The following SPRY3 variants were observed in gnomAD, a reference collection of about 807,000 sequenced individuals.
SPRY3 encodes the protein sprouty RTK signaling antagonist 3, also known as protein sprouty homolog 3.
A neutral mutation model predicts 20.2 loss-of-function variants in SPRY3; 15 were observed. The observed-to-expected ratio is 0.74, with a 90% CI of 0.50 to 1.14. The LOEUF is 1.14. SPRY3 is among the 50% of genes most tolerant of loss of function. The pLI is 0.00. For missense variants in SPRY3, 364 were observed against 363.9 expected (o/e 1.00, Z 0.00); for synonymous variants, 143 against 136.5 (o/e 1.05, Z -0.33).
At chrX:155,638,611 C>T (rs1348548607) in intron 1 of SPRY3, among the ~76,000 whole-genome samples, 1 of 109,035 alleles carries the variant, frequency 9.2e-6, no homozygotes, top group Non-Finnish European at 1.9e-5. Flanking sequence ...TGGCCATGTG[C>T]ATTTCTACAT....
At chrX:155,685,118 T>C (rs1300245666) in intron 2 of SPRY3, among the ~76,000 whole-genome samples, 1 of 112,265 alleles carries the variant, frequency 8.9e-6, no homozygotes, top group African/African-American at 3.2e-5. Flanking sequence ...ATTGTAAATC[T>C]ATAGATTTGT....
At chrX:155,773,307 G>GAGAT (rs1556238553) in intron 3 of SPRY3, among the ~76,000 whole-genome samples, 5 of 120,740 alleles carry the variant, frequency 4.1e-5, no homozygotes, top group Non-Finnish European at 5.1e-5. Flanking sequence ...ATTTTGATTG[G>GAGAT]ATATATATAT....
intron 2 of SPRY3, among the ~76,000 whole-genome samples, chrX:155,758,322 CT>C (rs2091291258): frequency 6.6e-6 from 1 of 152,182 alleles, no homozygotes. Flanking sequence ...TGAAGAATGA[CT>C]TGCTAAAGCC....
intron 2 of SPRY3, among the ~76,000 whole-genome samples, chrX:155,755,742 T>C (rs1221944637): frequency 1.3e-5 from 2 of 152,128 alleles, no homozygotes; most frequent in Non-Finnish European, 2.9e-5. Context: ...TTTTTAGCCT[T>C]TGGGCATCTG....
At chrX:155,686,300 T>C (rs2068087867) in intron 2 of SPRY3, among the ~76,000 whole-genome samples, 1 of 111,854 alleles carries the variant, frequency 8.9e-6, no homozygotes, top group African/African-American at 3.2e-5. Flanking sequence ...TTCATGCTTC[T>C]TTGTACGCCA....
At chrX:155,679,162 G>A (rs948560213) in intron 2 of SPRY3, among the ~76,000 whole-genome samples, 1 of 111,287 alleles carries the variant, frequency 9.0e-6, no homozygotes, top group African/African-American at 3.3e-5. Flanking sequence ...AAACCTGCGT[G>A]TTCTGCACAT....
At position 155,734,110 on chromosome X, in the gene SPRY3, T is replaced by G. The variant is rs779924176; in HGVS notation, c.-281-33852T>G. On this transcript the variant is annotated intron_variant, in intron 2 of 3. Coordinates refer to ENST00000675360, the Ensembl canonical transcript of SPRY3. Reference sequence around the variant, plus strand: ...TTGTTCAGGAACTTTTTCTTTGCATTCACAACTTGGCCGGTTGGCACAAAA... The same window carrying G: ...TTGTTCAGGAACTTTTTCTTTGCATGCACAACTTGGCCGGTTGGCACAAAA... Among the ~76,000 whole-genome samples the G allele has an allele frequency of 2.6e-5, 4 of 152,232 alleles. No homozygotes were observed. In the South Asian group the frequency reaches 6.2e-4, roughly 24 times the overall value.
chrX:155,706,690 G>T (rs2090953836), intron 2 of SPRY3, among the ~76,000 whole-genome samples: 1 of 150,802 alleles, frequency 6.6e-6, no homozygotes, highest in African/African-American at 2.4e-5. Flanking sequence ...ACATTAAAAA[G>T]ATGAAGGAAT....
At chrX:155,726,986 T>C (rs1016853071) in intron 2 of SPRY3, among the ~76,000 whole-genome samples, 1 of 152,132 alleles carries the variant, frequency 6.6e-6, no homozygotes, top group African/African-American at 2.4e-5. Context: ...GTTTAGTGCT[T>C]CCTTCAGGCC....
intron 2 of SPRY3, among the ~76,000 whole-genome samples, chrX:155,713,369 C>A (rs781688414): frequency 2.6e-5 from 4 of 152,070 alleles, no homozygotes; most frequent in Non-Finnish European, 4.4e-5. Flanking sequence ...GAGGTACTCC[C>A]TTTAGCATTT....
At chrX:155,761,676 A>C (rs1356703947) in intron 2 of SPRY3, among the ~76,000 whole-genome samples, 4 of 151,344 alleles carry the variant, frequency 2.6e-5, no homozygotes, top group African/African-American at 9.7e-5. Context: ...ACAACAGTGC[A>C]TAAGTGTTCC....
intron 1 of SPRY3, among the ~76,000 whole-genome samples, chrX:155,639,480 T>G (rs1357569817): frequency 8.9e-6 from 1 of 112,499 alleles, no homozygotes; most frequent in Non-Finnish European, 1.9e-5. Context: ...TTTGTCCTTA[T>G]GTGACTGGCT....
At chrX:155,749,036 A>G (rs2091244372) in intron 2 of SPRY3, among the ~76,000 whole-genome samples, 1 of 151,962 alleles carries the variant, frequency 6.6e-6, no homozygotes, top group Non-Finnish European at 1.5e-5. Flanking sequence ...CTATATGGAT[A>G]AATAGGATTT....
At chrX:155,719,163 G>A (rs2091040517) in intron 2 of SPRY3, among the ~76,000 whole-genome samples, 1 of 152,140 alleles carries the variant, frequency 6.6e-6, no homozygotes, top group Non-Finnish European at 1.5e-5. Context: ...CACTGGGGGA[G>A]GGAGAGCCCA....
chrX:155,626,724 T>G (rs2067889416), intron 1 of SPRY3, among the ~76,000 whole-genome samples: 1 of 111,887 alleles, frequency 8.9e-6, no homozygotes, highest in Non-Finnish European at 1.9e-5. Flanking sequence ...AATTTTTATA[T>G]ATGATGAGAT....
chrX:155,633,658 G>A (rs1241848219), intron 1 of SPRY3, among the ~76,000 whole-genome samples: 1 of 111,306 alleles, frequency 9.0e-6, no homozygotes, highest in East Asian at 2.8e-4. Context: ...GCTTAAATGT[G>A]GGCTTATGGA....
At chrX:155,665,993 TC>T (rs1486536729) in intron 2 of SPRY3, among the ~76,000 whole-genome samples, 1 of 111,706 alleles carries the variant, frequency 9.0e-6, no homozygotes, top group Non-Finnish European at 1.9e-5. Context: ...TGGTGTGAAT[TC>T]TTGGACAATT....
chrX:155,723,483 C>A (rs1238633824), intron 2 of SPRY3, among the ~76,000 whole-genome samples: 1 of 152,086 alleles, frequency 6.6e-6, no homozygotes, highest in Non-Finnish European at 1.5e-5. Flanking sequence ...TTCTAACTGG[C>A]GTGAGATGGT....
At chrX:155,736,105 T>A (rs748694265) in intron 2 of SPRY3, among the ~76,000 whole-genome samples, 16 of 152,108 alleles carry the variant, frequency 1.1e-4, no homozygotes, top group African/African-American at 3.9e-4. Context: ...ATATTCCTAG[T>A]TCCTCTCTCC....
Sources: allele counts gnomAD v4.1 joint callset (sites outside exome capture counted in the v4.1 genomes callset), GRCh38; gene constraint gnomAD v4.1.1; transcripts MANE v1.5; gene names NCBI Gene and HGNC (gene_info 2026-07-23, HGNC 2026-07-21).